The following FMN2 variants were observed in gnomAD, a reference collection of about 807,000 sequenced individuals.
The protein encoded by FMN2 is formin-2.
A neutral mutation model predicts 142.3 loss-of-function variants in FMN2; 51 were observed. The ratio of observed to expected loss-of-function variants is 0.36; its 90% CI spans 0.29 to 0.45. The LOEUF (loss-of-function observed/expected upper bound fraction) is 0.45, where lower values mean the gene tolerates loss of function less well. FMN2 is among the 20% of genes least tolerant of loss of function. FMN2 has a pLI of 1.00. For synonymous variants in FMN2, 882 were observed against 869.8 expected (o/e 1.01, Z -0.25); for missense variants, 1,936 against 2,122.8 (o/e 0.91, Z 1.73).
At chr1:240,256,408 G>A (rs1373088553) in intron 6 of FMN2, among the ~76,000 whole-genome samples, 2 of 151,950 alleles carry the variant, frequency 1.3e-5, no homozygotes, top group Non-Finnish European at 2.9e-5. Flanking sequence ...AGCGCCTTTT[G>A]GGAGATATCG....
At chr1:240,199,582 T>C (rs1309692828) in intron 4 of FMN2, among the ~76,000 whole-genome samples, 1 of 152,182 alleles carries the variant, frequency 6.6e-6, no homozygotes, top group Non-Finnish European at 1.5e-5. Flanking sequence ...TACGCAAGTG[T>C]TCAAACAATT....
At chr1:240,372,639 CT>C (rs748480743) in intron 14 of FMN2, among the ~76,000 whole-genome samples, 602 of 114,728 alleles carry the variant, frequency 5.2e-3, no homozygotes, top group Middle Eastern at 9.0e-3. Flanking sequence ...GGAAGAATTT[CT>C]TTTTTTTTTT....
In FMN2 at chr1:240,093,098, C is replaced by CG; in HGVS notation, c.994dup (p.Glu332GlyfsTer16). 4 of 1,396,720 alleles carry CG rather than the reference C, an allele frequency of 2.9e-6. No individual in the cohort carries two copies. Among genetic ancestry groups the CG allele is most frequent in the Non-Finnish European group, 3.7e-6 (4 of 1,084,794 alleles). The allele number at this position is 1,396,720 out of a possible 1,614,324, so 86.5% of individuals were successfully genotyped here. A position where few individuals can be genotyped will look rare whatever the true frequency, so the allele number is the denominator to read the frequency against. ...GCTTTCCCATTTCCCGAGGCCGGGC[C>CG]GGGGGAGGAAGCGGCCGGAGCCCCC... On this transcript the variant is annotated frameshift_variant, in exon 1 of 18. Coordinates refer to ENST00000319653, the MANE Select transcript of FMN2 (RefSeq NM_020066.5). LOFTEE classifies it high-confidence loss of function.
Position 240,092,029 on chromosome 1 carries a change from C to A in FMN2, c.-81C>A, listed in dbSNP as rs769158313. The A allele has an allele frequency of 1.6e-5, 23 of 1,474,972 alleles. No individual in the cohort carries two copies. The highest frequency in any genetic ancestry group is 1.9e-5 in the Non-Finnish European group (21 of 1,119,508). The allele number at this position is 1,474,972 out of a possible 1,614,324, so 91.4% of individuals were successfully genotyped here. Reference sequence around the variant, plus strand: ...GCCGCCTGACTCTCCCGGGAGACTCCCTAGGCCCGGACCTGGGGCCGAGGA... The same window carrying A: ...GCCGCCTGACTCTCCCGGGAGACTCACTAGGCCCGGACCTGGGGCCGAGGA... On this transcript the variant is annotated 5_prime_UTR_variant, in exon 1 of 18. Transcript: ENST00000319653.
intron 2 of FMN2, among the ~76,000 whole-genome samples, chr1:240,133,322 A>G (rs1182419608): frequency 6.6e-6 from 1 of 152,106 alleles, no homozygotes; most frequent in Non-Finnish European, 1.5e-5. Flanking sequence ...AAATGCCACC[A>G]TGACCAGCTA....
chr1:240,130,168 C>G (rs1468693565), intron 2 of FMN2, among the ~76,000 whole-genome samples: 2 of 152,170 alleles, frequency 1.3e-5, no homozygotes, highest in African/African-American at 4.8e-5. Context: ...CATATGGATG[C>G]TGTGTGAATA....
chr1:240,155,643 A>G (rs1220952181), intron 2 of FMN2, among the ~76,000 whole-genome samples: 1 of 152,214 alleles, frequency 6.6e-6, no homozygotes, highest in Admixed American at 6.5e-5. Flanking sequence ...AACACATTCT[A>G]CAGACATATC....
chr1:240,273,826 A>T (rs1406313113), intron 7 of FMN2, among the ~76,000 whole-genome samples: 2 of 151,890 alleles, frequency 1.3e-5, no homozygotes, highest in African/African-American at 4.8e-5. Context: ...GTGTTGGGGG[A>T]TCTCTCTATG....
At chr1:240,102,683 G>C (rs1313097226) in intron 1 of FMN2, among the ~76,000 whole-genome samples, 7 of 152,086 alleles carry the variant, frequency 4.6e-5, no homozygotes, top group African/African-American at 1.7e-4. Context: ...TCAGGGTATA[G>C]GGATTGATCT....
chr1:240,128,665 G>A (rs1299057141), intron 2 of FMN2, among the ~76,000 whole-genome samples: 2 of 152,106 alleles, frequency 1.3e-5, no homozygotes, highest in East Asian at 1.9e-4. Context: ...TGTGAGCGAA[G>A]CTAAAATTAA....
chr1:240,253,112 C>A (rs1376501115), intron 6 of FMN2, among the ~76,000 whole-genome samples: 2 of 151,376 alleles, frequency 1.3e-5, no homozygotes, highest in East Asian at 3.9e-4. Context: ...ACCACCACAC[C>A]CAGCTAATTT....
intron 7 of FMN2, among the ~76,000 whole-genome samples, chr1:240,269,265 T>G (rs751504449): frequency 6.6e-6 from 1 of 152,070 alleles, no homozygotes; most frequent in Admixed American, 6.6e-5. Context: ...TATATATAGA[T>G]GTACAGTTTT....
At chr1:240,420,387 A>G (rs1003085428) in intron 15 of FMN2, among the ~76,000 whole-genome samples, 1 of 152,210 alleles carries the variant, frequency 6.6e-6, no homozygotes. Flanking sequence ...ATAAGAGAAG[A>G]GCCTCTTCCT....
At chr1:240,452,529 G>T (rs1676097997) in intron 16 of FMN2, among the ~76,000 whole-genome samples, 1 of 152,022 alleles carries the variant, frequency 6.6e-6, no homozygotes, top group Non-Finnish European at 1.5e-5. Context: ...TACGAGACGG[G>T]TTTATTTTTT....
chr1:240,327,094 C>T (rs1338262277), intron 8 of FMN2, among the ~76,000 whole-genome samples: 1 of 152,076 alleles, frequency 6.6e-6, no homozygotes, highest in Non-Finnish European at 1.5e-5. Context: ...TTGAGCAAAG[C>T]CACAATTAAC....
chr1:240,145,528 C>CTTTTTTTT (rs1663413756), intron 2 of FMN2: 1 of 88,294 alleles, frequency 1.1e-5, no homozygotes, highest in East Asian at 2.4e-4. Flanking sequence ...TTTTCTTTTT[C>CTTTTTTTT]TATTTTTTTT....
At chr1:240,393,846 A>G (rs1372645812) in intron 15 of FMN2, among the ~76,000 whole-genome samples, 2 of 152,366 alleles carry the variant, frequency 1.3e-5, no homozygotes, top group South Asian at 2.1e-4. Flanking sequence ...ATAGTCTGTT[A>G]CACAATAGTC....
chr1:240,297,488 C>T lies in FMN2; in HGVS notation c.4215+2605C>T, dbSNP rs555125034. Among the ~76,000 whole-genome samples the T allele has an allele frequency of 2.3e-3, 331 of 146,430 alleles. 1 individual carries two copies. Among genetic ancestry groups the T allele is most frequent in the Middle Eastern group, 4.0e-3 (1 of 248 alleles). The stretch of plus-strand genomic sequence containing the variant: ...CCGGGCACGTGTAATCCCAGCTACT[C>T]GGGAGGCTAAGGCAGGAGAATTACT... On this transcript the variant is annotated intron_variant, in intron 8 of 17. Coordinates refer to ENST00000319653, the MANE Select transcript of FMN2 (RefSeq NM_020066.5).
intron 11 of FMN2, 44 bp downstream of exon 11, chr1:240,330,793 A>G: frequency 6.3e-7 from 1 of 1,595,058 alleles, no homozygotes; most frequent in South Asian, 1.1e-5. Flanking sequence ...TGAGGAGTCA[A>G]GGTTTTGTTT....
Sources: allele counts gnomAD v4.1 joint callset (sites outside exome capture counted in the v4.1 genomes callset), GRCh38; gene constraint gnomAD v4.1.1; transcripts MANE v1.5; gene names NCBI Gene and HGNC (gene_info 2026-07-23, HGNC 2026-07-21).